GPRIN2: variants seen among roughly 807,000 people sequenced by gnomAD.
GPRIN2 encodes the protein G protein-regulated inducer of neurite outgrowth 2.
Under a neutral mutation model 0.3 loss-of-function variants are expected in GPRIN2, and 1 was observed. That is an observed-to-expected ratio of 3.90 (90% CI 1.39 to 18.51). The LOEUF (loss-of-function observed/expected upper bound fraction) is 18.51, where lower values mean the gene tolerates loss of function less well. GPRIN2 is among the 30% of genes most tolerant of loss of function. GPRIN2 has a pLI of 0.11. For missense variants in GPRIN2, 880 were observed against 604.2 expected (o/e 1.46, Z -4.79); for synonymous variants, 361 against 258.6 (o/e 1.40, Z -3.80).
At position 46,550,291 on chromosome 10, in the gene GPRIN2, C is replaced by A. The variant is rs1832418460; in HGVS notation, c.446G>T (p.Ser149Ile). The change falls in exon 3 of 3, where the codon AGC (serine) becomes ATC (isoleucine). Residue 149 changes from serine to isoleucine, a missense_variant. Physicochemically the swap from Ser to Ile is moderately radical, Grantham distance 142. Coordinates refer to ENST00000374314, the MANE Select transcript of GPRIN2 (RefSeq NM_001385282.1). ...ASLSCSALGS[S>I]PVHRAQLQPG... ...CTGCAGCTGAGCCCTGTGGACAGGG[C>A]TGCTGCCAAGGGCTGAGCAGCTGAG... 4 of 1,612,906 alleles carry A rather than the reference C, an allele frequency of 2.5e-6. No homozygotes were observed. In the African/African-American group the frequency reaches 5.3e-5, roughly 21 times the overall value.
rs1351758162 is a variant in GPRIN2, at chr10:46,544,291, C to A, written c.*5069G>T. ...AAGGGCAGGCAGTTCCCAATCTCCA[C>A]AAGGGCAAGAAGGTAGAGTCCATAC... On this transcript the variant is annotated 3_prime_UTR_variant, in exon 3 of 3. Transcript: ENST00000374314. Among the ~76,000 whole-genome samples the A allele has an allele frequency of 2.0e-5, 3 of 152,308 alleles. No individual in the cohort carries two copies. The highest frequency in any genetic ancestry group is 7.2e-5 in the African/African-American group (3 of 41,486).
At chr10:46,557,188 C>T (rs1471203031), upstream of GPRIN2, among the ~76,000 whole-genome samples, 1 of 152,308 alleles carries the variant, frequency 6.6e-6, no homozygotes, top group African/African-American at 2.4e-5. Context: ...AGGGCCCTTT[C>T]GTCTGGGATA....
rs1173773291 is a variant in GPRIN2 at position 46,549,227 on chromosome 10, G to C, written c.*133C>G. 1 of 1,232,686 alleles carries C rather than the reference G, an allele frequency of 8.1e-7. No individual in the cohort carries two copies. The highest frequency in any genetic ancestry group is 1.9e-5 in the South Asian group (1 of 53,550). The allele number at this position is 1,232,686 out of a possible 1,614,324, so 76.4% of individuals were successfully genotyped here. On this transcript the variant is annotated 3_prime_UTR_variant, in exon 3 of 3. Transcript: ENST00000374314. ...CCCCAGGCTGCAGTCCTGTGGTCTGGAGGCAGCCAATATTCAGGTGAGAGA... is the reference window on the plus strand; with the variant it reads ...CCCCAGGCTGCAGTCCTGTGGTCTGCAGGCAGCCAATATTCAGGTGAGAGA...
At position 46,543,183 on chromosome 10, in the gene GPRIN2, A is replaced by T. The variant is rs3127849; in HGVS notation, c.*6177T>A. 6.6e-6 allele frequency among the ~76,000 whole-genome samples: 1 copy of T among 152,240 alleles called. No homozygotes were observed. The highest frequency in any genetic ancestry group is 2.4e-5 in the African/African-American group (1 of 41,450). ...GAGAGAAAGGGCCTAGACCCATGTAAATCACAAATGCCAAGACCCAGACAC... is the reference window on the plus strand; with the variant it reads ...GAGAGAAAGGGCCTAGACCCATGTATATCACAAATGCCAAGACCCAGACAC... On this transcript the variant is annotated 3_prime_UTR_variant, in exon 3 of 3. Transcript: ENST00000374314.
rs1842410087 is a variant in GPRIN2 at position 46,548,987 on chromosome 10, T to G, written c.*373A>C. On this transcript the variant is annotated 3_prime_UTR_variant, in exon 3 of 3. Coordinates refer to ENST00000374314, the MANE Select transcript of GPRIN2 (RefSeq NM_001385282.1). Reference sequence around the variant, plus strand: ...TCGAGAATTCACTATTTCTCAGCACTGATTTCAAATAAAGCCACCAAGAGT... The same window carrying G: ...TCGAGAATTCACTATTTCTCAGCACGGATTTCAAATAAAGCCACCAAGAGT... 2 of 305,166 alleles carry G rather than the reference T, an allele frequency of 6.6e-6. No homozygotes were observed. Among genetic ancestry groups the G allele is most frequent in the Admixed American group, 1.0e-4 (2 of 19,222 alleles). The allele number at this position is 305,166 out of a possible 1,614,324, so 18.9% of individuals were successfully genotyped here.
rs1832493459 is a variant in GPRIN2 at position 46,550,067 on chromosome 10, T to C, written c.670A>G (p.Thr224Ala). 6.2e-7 allele frequency: 1 copy of C among 1,613,722 alleles called. No individual in the cohort carries two copies. Among genetic ancestry groups the C allele is most frequent in the Non-Finnish European group, 8.5e-7 (1 of 1,179,982 alleles). The change falls in exon 3 of 3, where the codon ACC becomes GCC. Residue 224 changes from threonine (T) to alanine (A), a missense_variant. By Grantham distance (58) the Thr-to-Ala change is moderately conservative (BLOSUM62 0). Coordinates refer to ENST00000374314, the MANE Select transcript of GPRIN2 (RefSeq NM_001385282.1). ...EPKAAEQLAT[T>A]TCHALPPAAL... ...GCTGGGGGCAGAGCATGGCAGGTGG[T>C]GGTAGCCAGCTGTTCAGCAGCTTTG...
Position 46,549,346 on chromosome 10 carries a change from A to G in GPRIN2, c.*14T>C. 2 of 1,463,648 alleles carry G rather than the reference A, an allele frequency of 1.4e-6. No individual in the cohort carries two copies. The highest frequency in any genetic ancestry group is 1.8e-6 in the Non-Finnish European group (2 of 1,109,404). The allele number at this position is 1,463,648 out of a possible 1,614,324, so 90.7% of individuals were successfully genotyped here. On this transcript the variant is annotated 3_prime_UTR_variant, in exon 3 of 3. Coordinates refer to ENST00000374314, the MANE Select transcript of GPRIN2 (RefSeq NM_001385282.1). ...AGTCAGTGGGCCCAGGCCAGCTCCAAGGGCCACAGCTCCTCACTCGGGGGC... is the reference window on the plus strand; with the variant it reads ...AGTCAGTGGGCCCAGGCCAGCTCCAGGGGCCACAGCTCCTCACTCGGGGGC...
rs1833025909 is a variant in GPRIN2, at chr10:46,543,603, G to T, written c.*5757C>A. ...GCAGGGAAATGAAAAGCTCCAGGCA[G>T]GACAGACTGGGCGATGACTGCATGG... On this transcript the variant is annotated 3_prime_UTR_variant, in exon 3 of 3. Coordinates refer to ENST00000374314, the MANE Select transcript of GPRIN2 (RefSeq NM_001385282.1). 6.6e-6 allele frequency among the ~76,000 whole-genome samples: 1 copy of T among 152,428 alleles called. No homozygotes were observed. The highest frequency in any genetic ancestry group is 6.5e-5 in the Admixed American group (1 of 15,314).
chr10:46,550,324 T>G lies in GPRIN2; in HGVS notation c.413A>C (p.Lys138Thr). ...TQMRGHSGARKASLSCSALGS... is the reference protein window; with the variant it reads ...TQMRGHSGARTASLSCSALGS... ...AAGGGCTGAGCAGCTGAGACTGGCC[T>G]TCCGAGCACCACTGTGTCCCCGCAT... Residue 138 changes from lysine (K) to threonine (T), a missense_variant, in exon 3 of 3, where the codon AAG becomes ACG. By Grantham distance (78) the Lys-to-Thr change is moderately conservative. Transcript: ENST00000374314. The G allele has an allele frequency of 6.2e-7, 1 of 1,613,228 alleles. No individual in the cohort carries two copies. Among genetic ancestry groups the G allele is most frequent in the Non-Finnish European group, 8.5e-7 (1 of 1,179,950 alleles).
In GPRIN2 at chr10:46,549,172, GA is replaced by G; in HGVS notation, c.*187del. On this transcript the variant is annotated 3_prime_UTR_variant, in exon 3 of 3. Transcript: ENST00000374314. ...TGGCCCTTGGAAATCAAGCCCTTAA[GA>G]AAACAGCCCAGCTGTGTAGGGCCGG... is the stretch of plus-strand genomic sequence containing the variant. 1.4e-6 allele frequency: 1 copy of G among 739,638 alleles called. No individual in the cohort carries two copies. Among genetic ancestry groups the G allele is most frequent in the Non-Finnish European group, 2.0e-6 (1 of 492,524 alleles). 45.8% of individuals were successfully genotyped at this position (739,638 alleles called of 1,614,324 possible).
rs1018697820 is a variant in GPRIN2, at chr10:46,543,416, A to G, written c.*5944T>C. Among the ~76,000 whole-genome samples, 1 of 152,306 alleles carries G rather than the reference A, an allele frequency of 6.6e-6. No individual in the cohort carries two copies. Among genetic ancestry groups the G allele is most frequent in the Non-Finnish European group, 1.5e-5 (1 of 68,058 alleles). ...ACCACAAAAGAAGAACAGATTAAAGAGAAATGGGGGATGGGGATGACAGAG... is the reference window on the plus strand; with the variant it reads ...ACCACAAAAGAAGAACAGATTAAAGGGAAATGGGGGATGGGGATGACAGAG... On this transcript the variant is annotated 3_prime_UTR_variant, in exon 3 of 3. Transcript: ENST00000374314.
chr10:46,545,794 T>C lies in GPRIN2; in HGVS notation c.*3566A>G, dbSNP rs1832928736. The stretch of plus-strand genomic sequence containing the variant: ...GCACTAACTCAGTGCCAGGCACTAC[T>C]TGGGTTATTCTATTTAATCTCCACA... On this transcript the variant is annotated 3_prime_UTR_variant, in exon 3 of 3. Transcript: ENST00000374314. Among the ~76,000 whole-genome samples the C allele has an allele frequency of 5.3e-5, 8 of 152,280 alleles. No homozygotes were observed. Among genetic ancestry groups the C allele is most frequent in the African/African-American group, 1.7e-4 (7 of 41,458 alleles).
chr10:46,557,496 C>T (rs1224590700), upstream of GPRIN2, among the ~76,000 whole-genome samples: 3 of 152,310 alleles, frequency 2.0e-5, no homozygotes, highest in African/African-American at 4.8e-5. Context: ...TTCAGTCTCC[C>T]AGCCGCGGAC....
rs1461767373 is a variant in GPRIN2 at position 46,543,653 on chromosome 10, G to C, written c.*5707C>G. Among the ~76,000 whole-genome samples, 3 of 152,300 alleles carry C rather than the reference G, an allele frequency of 2.0e-5. No individual in the cohort carries two copies. Among genetic ancestry groups the C allele is most frequent in the Admixed American group, 6.5e-5 (1 of 15,292 alleles). The stretch of plus-strand genomic sequence containing the variant: ...GCTAAAAGCGCACACCTTAAAACTA[G>C]ACACACTCCCCTGCCCTGAGCCCCA... On this transcript the variant is annotated 3_prime_UTR_variant, in exon 3 of 3. Coordinates refer to ENST00000374314, the MANE Select transcript of GPRIN2 (RefSeq NM_001385282.1).
Position 46,547,453 on chromosome 10 carries a change from C to T in GPRIN2, c.*1907G>A, listed in dbSNP as rs1842267897. ...GTCACCTCCCAACCCAACAAACGCTCCAAATGAGCCGCCACTGCAGAAACT... is the reference window on the plus strand; with the variant it reads ...GTCACCTCCCAACCCAACAAACGCTTCAAATGAGCCGCCACTGCAGAAACT... On this transcript the variant is annotated 3_prime_UTR_variant, in exon 3 of 3. Transcript: ENST00000374314. 6.6e-6 allele frequency among the ~76,000 whole-genome samples: 1 copy of T among 152,312 alleles called. No homozygotes were observed. The highest frequency in any genetic ancestry group is 2.4e-5 in the African/African-American group (1 of 41,488).
rs1832365442 is a variant in GPRIN2, at chr10:46,550,435, ATGG to A, written c.299_301del (p.Thr100del). The stretch of plus-strand genomic sequence containing the variant: ...CAGGCGACACAGGTCACTGCCGCCC[ATGG>A]TGGACACATTGCCCACAGTGCTGCT... On this transcript the variant is annotated inframe_deletion, in exon 3 of 3. Coordinates refer to ENST00000374314, the MANE Select transcript of GPRIN2 (RefSeq NM_001385282.1). 6.2e-7 allele frequency: 1 copy of A among 1,612,006 alleles called. No individual in the cohort carries two copies. The highest frequency in any genetic ancestry group is 2.2e-5 in the East Asian group (1 of 44,882).
intron 1 of GPRIN2, among the ~76,000 whole-genome samples, chr10:46,555,750 G>A (rs1301211289): frequency 8.5e-5 from 13 of 152,416 alleles, no homozygotes; most frequent in Non-Finnish European, 1.8e-4. Flanking sequence ...TCCCTGGGGG[G>A]CACCTAGGTG....
Position 46,545,086 on chromosome 10 carries a change from C to A in GPRIN2, c.*4274G>T, listed in dbSNP as rs1169904964. On this transcript the variant is annotated 3_prime_UTR_variant, in exon 3 of 3. Transcript: ENST00000374314. ...CTCTGCATTTAACTAACCAAGGCTG[C>A]TTGGCGTGAACAAAACTGAGACAGA... 6.6e-6 allele frequency among the ~76,000 whole-genome samples: 1 copy of A among 152,304 alleles called. No homozygotes were observed. Among genetic ancestry groups the A allele is most frequent in the Non-Finnish European group, 1.5e-5 (1 of 68,056 alleles).
rs1323274868 is a variant in GPRIN2 at position 46,549,476 on chromosome 10, C to A, written c.1261G>T (p.Ala421Ser). The A allele has an allele frequency of 6.2e-7, 1 of 1,611,058 alleles. No individual in the cohort carries two copies. Among genetic ancestry groups the A allele is most frequent in the Non-Finnish European group, 8.5e-7 (1 of 1,178,548 alleles). ...GACAGGCTGTCCTCGCTGGCGGGCG[C>A]CCGCTGCAGCTGCTCAAACTGCATC... ...LEMQFEQLQRAPASEDSLSVE... is the reference protein window; with the variant it reads ...LEMQFEQLQRSPASEDSLSVE... Residue 421 changes from alanine to serine, a missense_variant, in exon 3 of 3, where the codon GCG becomes TCG. Transcript: ENST00000374314.
Sources: gnomAD v4.1 joint callset for allele counts (sites outside exome capture counted in the v4.1 genomes callset) on GRCh38, gnomAD v4.1.1 for gene constraint, MANE v1.5 for transcripts, NCBI Gene and HGNC (gene_info 2026-07-23, HGNC 2026-07-21) for gene names.